IL1RAPL1: variants seen among roughly 807,000 people sequenced by gnomAD.
The protein encoded by IL1RAPL1 is interleukin 1 receptor accessory protein like 1, also known as interleukin-1 receptor accessory protein-like 1.
Under a neutral mutation model 48.4 loss-of-function variants are expected in IL1RAPL1, and 3 were observed. The observed-to-expected ratio is 0.06, with a 90% CI of 0.03 to 0.16. IL1RAPL1 has a LOEUF of 0.16. Among genes scored for constraint, IL1RAPL1 ranks in the 10% least tolerant of loss-of-function variants. The pLI, the probability that IL1RAPL1 is intolerant of heterozygous loss-of-function variation, is 1.00. For missense variants in IL1RAPL1, 349 were observed against 530.6 expected (o/e 0.66, Z 3.36); for synonymous variants, 185 against 187.7 (o/e 0.99, Z 0.12).
chrX:29,443,975 G>A (rs1934580621), intron 5 of IL1RAPL1, among the ~76,000 whole-genome samples: 1 of 112,163 alleles, frequency 8.9e-6, no homozygotes, highest in Admixed American at 9.4e-5. Context: ...CAAGTTACAT[G>A]GGCAAGCTCA....
chrX:29,265,819 G>T (rs777857139), intron 2 of IL1RAPL1, among the ~76,000 whole-genome samples: 1 of 109,362 alleles, frequency 9.1e-6, no homozygotes, highest in African/African-American at 3.3e-5. Flanking sequence ...TTTTATGGCT[G>T]CACAGTATTC....
At chrX:28,946,403 G>A (rs760285526) in intron 2 of IL1RAPL1, among the ~76,000 whole-genome samples, 27 of 110,829 alleles carry the variant, frequency 2.4e-4, no homozygotes, top group African/African-American at 7.5e-4. Context: ...TCTAGGCACT[G>A]CCATTATTAG....
At position 29,093,588 on chromosome X, in the gene IL1RAPL1, A is replaced by G. The variant is rs188181718; in HGVS notation, c.83-189350A>G. Among the ~76,000 whole-genome samples, 476 of 111,637 alleles carry G rather than the reference A, an allele frequency of 4.3e-3. 5 individuals carry two copies. The highest frequency in any genetic ancestry group is 0.015 in the African/African-American group (451 of 30,748). On this transcript the variant is annotated intron_variant, in intron 2 of 10. Transcript: ENST00000378993. ...ACATGTTCTCAGGATGCAGGCTGGG[A>G]TAAAGTAGAAGAACACGTTCTATAA... is the stretch of plus-strand genomic sequence containing the variant.
At chrX:28,953,215 G>A (rs774938052) in intron 2 of IL1RAPL1, among the ~76,000 whole-genome samples, 1 of 111,252 alleles carries the variant, frequency 9.0e-6, no homozygotes, top group South Asian at 3.7e-4. Context: ...AAATTTTTGT[G>A]TGCAAAATTT....
At chrX:29,854,899 A>C (rs982032415) in intron 6 of IL1RAPL1, among the ~76,000 whole-genome samples, 1 of 110,286 alleles carries the variant, frequency 9.1e-6, no homozygotes, top group Non-Finnish European at 1.9e-5. Flanking sequence ...CAAATAGCAC[A>C]CACACACACA....
chrX:29,350,191 T>TATA (rs1933204677), intron 3 of IL1RAPL1, among the ~76,000 whole-genome samples: 1 of 39,432 alleles, frequency 2.5e-5, no homozygotes, highest in African/African-American at 1.7e-4. Flanking sequence ...TACTGTTATT[T>TATA]TATATATATA....
At position 29,408,256 on chromosome X, in the gene IL1RAPL1, A is replaced by G. The variant is rs369244625; in HGVS notation, c.703+8948A>G. On this transcript the variant is annotated intron_variant, in intron 5 of 10. Coordinates refer to ENST00000378993, the MANE Select transcript of IL1RAPL1 (RefSeq NM_014271.4). Reference sequence around the variant, plus strand: ...AGGTCTAAGGAAAAAAATATACACTATATAGGATTTTTTTAGATGTATTGA... The same window carrying G: ...AGGTCTAAGGAAAAAAATATACACTGTATAGGATTTTTTTAGATGTATTGA... Among the ~76,000 whole-genome samples the G allele has an allele frequency of 7.5e-3, 836 of 111,690 alleles. 13 individuals are homozygous for G. The highest frequency in any genetic ancestry group is 0.026 in the African/African-American group (795 of 30,816).
intron 2 of IL1RAPL1, among the ~76,000 whole-genome samples, chrX:29,236,897 C>T (rs1931319466): frequency 1.8e-5 from 2 of 109,444 alleles, no homozygotes; most frequent in Admixed American, 2.0e-4. Flanking sequence ...AATATTTTTC[C>T]ATTTCAAGGT....
intron 2 of IL1RAPL1, among the ~76,000 whole-genome samples, chrX:29,245,894 A>G (rs1931502830): frequency 9.0e-6 from 1 of 111,422 alleles, no homozygotes; most frequent in African/African-American, 3.3e-5. Flanking sequence ...GGGAACTTTC[A>G]TCTTTACTAG....
At chrX:29,936,246 A>T (rs1933030813) in intron 8 of IL1RAPL1, among the ~76,000 whole-genome samples, 1 of 111,316 alleles carries the variant, frequency 9.0e-6, no homozygotes, top group African/African-American at 3.3e-5. Flanking sequence ...ATATGAATTT[A>T]TGTGGATGGA....
chrX:29,006,616 G>C (rs1010175208), intron 2 of IL1RAPL1, among the ~76,000 whole-genome samples: 14 of 104,695 alleles, frequency 1.3e-4, no homozygotes, highest in African/African-American at 4.9e-4. Context: ...CTTTAGCTTT[G>C]TCTTGCCCAC....
At chrX:29,001,480 A>G (rs1227024122) in intron 2 of IL1RAPL1, among the ~76,000 whole-genome samples, 1 of 111,635 alleles carries the variant, frequency 9.0e-6, no homozygotes, top group Non-Finnish European at 1.9e-5. Flanking sequence ...GTCTTTATTC[A>G]CACTGACCCT....
chrX:29,784,644 A>G (rs763258917), intron 6 of IL1RAPL1, among the ~76,000 whole-genome samples: 169 of 106,426 alleles, frequency 1.6e-3, no homozygotes, highest in Non-Finnish European at 3.0e-3. Flanking sequence ...TTAAATAAAA[A>G]TAGAGGCCTT....
chrX:28,910,679 T>A (rs776836915), intron 2 of IL1RAPL1, among the ~76,000 whole-genome samples: 1 of 109,864 alleles, frequency 9.1e-6, no homozygotes, highest in East Asian at 2.9e-4. Context: ...CTAAGATAGA[T>A]GACTAATATA....
At chrX:28,723,996 G>A (rs1168046039) in intron 1 of IL1RAPL1, among the ~76,000 whole-genome samples, 2 of 111,697 alleles carry the variant, frequency 1.8e-5, no homozygotes, top group Admixed American at 9.5e-5. Flanking sequence ...CATTTGCTGA[G>A]GAGAGCTTTA....
At chrX:29,334,356 C>T (rs1352731315) in intron 3 of IL1RAPL1, among the ~76,000 whole-genome samples, 1 of 90,585 alleles carries the variant, frequency 1.1e-5, no homozygotes, top group African/African-American at 4.2e-5. Flanking sequence ...CTGGACGGGG[C>T]GACTGGCCGG....
chrX:29,529,370 G>A (rs1329099882), intron 5 of IL1RAPL1, among the ~76,000 whole-genome samples: 2 of 110,876 alleles, frequency 1.8e-5, no homozygotes, highest in Non-Finnish European at 3.8e-5. Context: ...GAGGTGGGCG[G>A]ATCACCTGAT....
At chrX:29,009,440 T>C (rs1365091475) in intron 2 of IL1RAPL1, among the ~76,000 whole-genome samples, 1 of 112,531 alleles carries the variant, frequency 8.9e-6, no homozygotes, top group Non-Finnish European at 1.9e-5. Flanking sequence ...TTTTCATATA[T>C]GGTGAAAGCT....
At chrX:29,638,239 T>C (rs1925037107) in intron 5 of IL1RAPL1, among the ~76,000 whole-genome samples, 1 of 110,524 alleles carries the variant, frequency 9.0e-6, no homozygotes, top group Non-Finnish European at 1.9e-5. Flanking sequence ...ACTCTAGTAA[T>C]GTTAACATCT....
Sources: allele counts gnomAD v4.1 joint callset (sites outside exome capture counted in the v4.1 genomes callset), GRCh38; gene constraint gnomAD v4.1.1; transcripts MANE v1.5; gene names NCBI Gene and HGNC (gene_info 2026-07-23, HGNC 2026-07-21).